The following SENP6 variants were observed in gnomAD, a reference collection of about 807,000 sequenced individuals.
SENP6 encodes sentrin-specific protease 6.
A neutral mutation model predicts 134.5 loss-of-function variants in SENP6; 41 were observed. The observed-to-expected ratio is 0.30, with a 90% CI of 0.24 to 0.40. The LOEUF is 0.40. SENP6 is among the 10% of genes least tolerant of loss of function. The pLI, the probability that SENP6 is intolerant of heterozygous loss-of-function variation, is 1.00. For missense variants in SENP6, 1,248 were observed against 1,312.5 expected (o/e 0.95, Z 0.76); for synonymous variants, 395 against 429.8 (o/e 0.92, Z 1.00).
At chr6:75,628,810 C>T (rs745788710) in intron 3 of SENP6, among the ~76,000 whole-genome samples, 1 of 152,096 alleles carries the variant, frequency 6.6e-6, no homozygotes, top group Non-Finnish European at 1.5e-5. Flanking sequence ...GCCTCTTCCT[C>T]CTAGGCTCAA....
intron 19 of SENP6, among the ~76,000 whole-genome samples, chr6:75,704,454 AAT>A (rs1285905043): frequency 2.0e-5 from 3 of 152,246 alleles, no homozygotes; most frequent in Non-Finnish European, 4.4e-5. Flanking sequence ...TGGAGTAAAG[AAT>A]AACAAAGGAG....
Position 75,677,244 on chromosome 6 carries a change from C to T in SENP6, c.1836C>T (p.Asn612=). Reference sequence around the variant, plus strand: ...AAGGAAGTTGTGGGCAAAAGGAAAACAAAATTAAAACTGTAATTATGTTTT... The same window carrying T: ...AAGGAAGTTGTGGGCAAAAGGAAAATAAAATTAAAACTGTAATTATGTTTT... The part of the protein sequence containing the change: ...SIKGSCGQKE[N]KIKTVSFESK... Residue 612 remains asparagine (N), a synonymous_variant, in exon 14 of 24, where the codon AAC becomes AAT. Transcript: ENST00000447266. 1.3e-6 allele frequency: 2 copies of T among 1,577,182 alleles called. No homozygotes were observed. The highest frequency in any genetic ancestry group is 1.2e-5 in the South Asian group (1 of 83,020).
intron 7 of SENP6, among the ~76,000 whole-genome samples, chr6:75,651,508 A>C (rs868718357): frequency 5.3e-5 from 8 of 152,022 alleles, no homozygotes; most frequent in African/African-American, 1.7e-4. Context: ...ATGCTGCCAC[A>C]TCCAGCTAAT....
intron 6 of SENP6, among the ~76,000 whole-genome samples, chr6:75,643,507 C>T (rs1770188516): frequency 6.6e-6 from 1 of 152,192 alleles, no homozygotes; most frequent in South Asian, 2.1e-4. Flanking sequence ...TAAAGCCTCC[C>T]CTAAAATAGT....
chr6:75,602,494 A>T lies in SENP6; in HGVS notation c.-31A>T. On this transcript the variant is annotated 5_prime_UTR_variant, in exon 1 of 24. Transcript: ENST00000447266. ...AGCACGGCGGCGGTGTGGGCCATGG[A>T]TTAAGAAGGAGGCGGCGTGGGAGGA... 6.4e-7 allele frequency: 1 copy of T among 1,550,552 alleles called. No homozygotes were observed. Among genetic ancestry groups the T allele is most frequent in the South Asian group, 1.2e-5 (1 of 84,042 alleles).
At chr6:75,643,196 A>G (rs1770161178) in intron 6 of SENP6, among the ~76,000 whole-genome samples, 1 of 152,226 alleles carries the variant, frequency 6.6e-6, no homozygotes, top group Non-Finnish European at 1.5e-5. Flanking sequence ...AAATAGAAAT[A>G]TAAAAAGTAA....
chr6:75,703,154 T>A (rs947038177), intron 19 of SENP6, 82 bp downstream of exon 19: 12 of 1,188,862 alleles, frequency 1.0e-5, no homozygotes, highest in African/African-American at 3.1e-5. Flanking sequence ...GATCCTGTTT[T>A]AAAAAAAAAT....
intron 7 of SENP6, among the ~76,000 whole-genome samples, chr6:75,650,481 A>AT (rs2149852113): frequency 6.6e-6 from 1 of 151,980 alleles, no homozygotes; most frequent in Admixed American, 6.5e-5. Flanking sequence ...TCTAATGTTG[A>AT]TTTTCTGTTT....
chr6:75,642,009 C>T (rs1407642311), intron 6 of SENP6, among the ~76,000 whole-genome samples: 3 of 152,154 alleles, frequency 2.0e-5, no homozygotes, highest in Non-Finnish European at 2.9e-5. Context: ...TATGTGATGG[C>T]TCTGCATGGG....
intron 19 of SENP6, among the ~76,000 whole-genome samples, chr6:75,704,718 T>A (rs1775274509): frequency 6.6e-6 from 1 of 152,172 alleles, no homozygotes; most frequent in South Asian, 2.1e-4. Context: ...TATTTCAGAC[T>A]ATCACATGGG....
intron 7 of SENP6, among the ~76,000 whole-genome samples, chr6:75,649,989 T>C (rs1439831347): frequency 2.0e-5 from 3 of 152,232 alleles, no homozygotes; most frequent in Non-Finnish European, 2.9e-5. Context: ...GTAGAACTTA[T>C]TTAGATTTCA....
chr6:75,647,254 T>TA (rs1770524644), intron 6 of SENP6: 1 of 152,444 alleles, frequency 6.6e-6, no homozygotes, highest in South Asian at 2.1e-4. Flanking sequence ...TTTAAATAGA[T>TA]ACAGTATTTG....
rs373023768 is a variant in SENP6 at position 75,709,638 on chromosome 6, T to C, written c.2820+8T>C. On this transcript the variant is annotated splice_region_variant and intron_variant, in intron 20 of 23. Transcript: ENST00000447266. ...GAAGATCAGGATAACCAGGTAAAAC[T>C]TAATGCTTGGCAAAAAGTTCTAATG... 3.1e-6 allele frequency: 5 copies of C among 1,602,984 alleles called. No homozygotes were observed. The African/African-American group carries it at 6.7e-5, about 21-fold the overall frequency.
intron 3 of SENP6, among the ~76,000 whole-genome samples, chr6:75,624,941 G>T (rs1260622302): frequency 6.6e-6 from 1 of 151,900 alleles, no homozygotes; most frequent in African/African-American, 2.4e-5. Context: ...GAGACTACCT[G>T]GACAACATAG....
At chr6:75,639,319 G>A (rs930953712) in intron 5 of SENP6, among the ~76,000 whole-genome samples, 1 of 151,936 alleles carries the variant, frequency 6.6e-6, no homozygotes, top group Non-Finnish European at 1.5e-5. Flanking sequence ...GTGTTTTTTA[G>A]TAGCAAAGAT....
At chr6:75,665,512 A>AT (rs1285001690) in intron 9 of SENP6, among the ~76,000 whole-genome samples, 2 of 152,208 alleles carry the variant, frequency 1.3e-5, no homozygotes, top group Admixed American at 1.3e-4. Flanking sequence ...AGGAGTTTGT[A>AT]TTTGACTCAA....
intron 16 of SENP6, among the ~76,000 whole-genome samples, chr6:75,683,779 A>T (rs1773630005): frequency 6.6e-6 from 1 of 152,186 alleles, no homozygotes; most frequent in Non-Finnish European, 1.5e-5. Flanking sequence ...TACCAGTACC[A>T]TGCTGATTTG....
chr6:75,704,395 G>C (rs187442736), intron 19 of SENP6, among the ~76,000 whole-genome samples: 1 of 152,308 alleles, frequency 6.6e-6, no homozygotes, highest in Non-Finnish European at 1.5e-5. Flanking sequence ...ACTATGCCTG[G>C]ATGTGCACGT....
intron 16 of SENP6, 28 bp downstream of exon 16, chr6:75,678,955 T>C: frequency 9.4e-7 from 1 of 1,059,116 alleles, no homozygotes; most frequent in Non-Finnish European, 1.4e-6. Context: ...TGATCTTTTA[T>C]TAAATCTTTA....
Sources: allele counts gnomAD v4.1 joint callset (sites outside exome capture counted in the v4.1 genomes callset), GRCh38; gene constraint gnomAD v4.1.1; transcripts MANE v1.5; gene names NCBI Gene and HGNC (gene_info 2026-07-23, HGNC 2026-07-21).